RGS9: variants seen among roughly 807,000 people sequenced by gnomAD.
The protein encoded by RGS9 is regulator of G-protein signalling 9.
RGS9 carries 78 observed loss-of-function variants against 102.0 expected under a neutral mutation model. That is an observed-to-expected ratio of 0.76 (90% CI 0.64 to 0.92). The LOEUF is 0.92. Ranked by LOEUF, RGS9 falls within the 40% of genes least tolerant of loss-of-function variation. The pLI, the probability that RGS9 is intolerant of heterozygous loss-of-function variation, is 0.00. For missense variants in RGS9, 833 were observed against 866.1 expected (o/e 0.96, Z 0.48); for synonymous variants, 353 against 318.6 (o/e 1.11, Z -1.15).
At position 65,174,285 on chromosome 17, in the gene RGS9, C is replaced by T. The variant is rs553219351; in HGVS notation, c.583-3447C>T. Among the ~76,000 whole-genome samples the T allele has an allele frequency of 3.9e-5, 6 of 152,274 alleles. No individual in the cohort carries two copies. The East Asian group carries it at 5.8e-4, about 15-fold the overall frequency. On this transcript the variant is annotated intron_variant, in intron 8 of 18. Transcript: ENST00000262406. ...TCAAGACTTGAGCAGATGACCACAC[C>T]GAAGTCACCGAGGCAGTGAGCGCCT... is the stretch of plus-strand genomic sequence containing the variant.
rs765953068 is a variant in RGS9, at chr17:65,137,597, G to A, written c.57G>A (p.Lys19=). The change falls in exon 1 of 19, where the codon AAG becomes AAA. Residue 19 remains lysine, a splice_region_variant and synonymous_variant. Coordinates refer to ENST00000262406, the MANE Select transcript of RGS9 (RefSeq NM_003835.4). ...QYRPRMAFLQ[K]IEALVKDMQN... ...GGCCGAGGATGGCATTTCTCCAAAA[G>A]GTAACCCTGGCCCCTCACCTGGACC... The A allele has an allele frequency of 2.5e-6, 4 of 1,613,662 alleles. No homozygotes were observed. The highest frequency in any genetic ancestry group is 1.1e-5 in the South Asian group (1 of 91,068).
rs376335063 is a variant in RGS9 at position 65,209,915 on chromosome 17, TA to T, written c.1290-568del. ...CAACGTGGTGAAAGCCTGCCTCTAC[TA>T]AAAATATAAAAATTAGCCTGGTGTG... On this transcript the variant is annotated intron_variant, in intron 16 of 18. Coordinates refer to ENST00000262406, the MANE Select transcript of RGS9 (RefSeq NM_003835.4). Among the ~76,000 whole-genome samples the T allele has an allele frequency of 3.1e-4, 47 of 152,180 alleles. No homozygotes were observed. The South Asian group carries it at 4.2e-3, about 13-fold the overall frequency.
chr17:65,225,319 G>A lies in RGS9; in HGVS notation c.1725G>A (p.Lys575=), dbSNP rs752853127. 6 of 1,610,460 alleles carry A rather than the reference G, an allele frequency of 3.7e-6. No homozygotes were observed. The South Asian group carries it at 4.4e-5, about 12-fold the overall frequency. ...WPRSRPRAPP[K]ARMALSFSRF... ...GCAGCCGGCCCAGGGCCCCTCCTAA[G>A]GCCCGCATGGCTCTGTCCTTCAGCA... is the stretch of plus-strand genomic sequence containing the variant. Residue 575 remains lysine, a synonymous_variant, in exon 18 of 19, where the codon AAG becomes AAA. Transcript: ENST00000262406.
rs771325353 is a variant in RGS9, at chr17:65,225,052, C to T, written c.1458C>T (p.Thr486=). The change falls in exon 18 of 19, where the codon ACC becomes ACT. Residue 486 remains threonine (T), a synonymous_variant. Coordinates refer to ENST00000262406, the MANE Select transcript of RGS9 (RefSeq NM_003835.4). The part of the protein sequence containing the change: ...PSPHLTVYTG[T]CMPPSPSSPF... ...CCCATCTGACCGTGTACACCGGGACCTGCATGCCCCCGTCTCCTTCTAGCC... is the reference window on the plus strand; with the variant it reads ...CCCATCTGACCGTGTACACCGGGACTTGCATGCCCCCGTCTCCTTCTAGCC... 1 of 1,614,054 alleles carries T rather than the reference C, an allele frequency of 6.2e-7. No homozygotes were observed. The highest frequency in any genetic ancestry group is 1.1e-5 in the South Asian group (1 of 91,080).
intron 1 of RGS9, among the ~76,000 whole-genome samples, chr17:65,142,790 T>C (rs1253237489): frequency 6.6e-6 from 1 of 151,812 alleles, no homozygotes; most frequent in Non-Finnish European, 1.5e-5. Context: ...ACCATGTTGG[T>C]CAGGCTGGTC....
At chr17:65,186,376 C>T (rs186220996) in intron 9 of RGS9, among the ~76,000 whole-genome samples, 7 of 151,818 alleles carry the variant, frequency 4.6e-5, no homozygotes, top group African/African-American at 7.3e-5. Context: ...TCACCATGCC[C>T]GGCTAATTTT....
chr17:65,204,409 C>G, intron 15 of RGS9, 108 bp downstream of exon 15: 1 of 1,365,050 alleles, frequency 7.3e-7, no homozygotes, highest in Non-Finnish European at 1.0e-6. Context: ...GTGGATAGAG[C>G]TTTGCCGGTT....
chr17:65,173,211 C>T lies in RGS9; in HGVS notation c.583-4521C>T, dbSNP rs149951970. ...TGCTGGGATTACAGGCATGAGCCACCGCGCCTGGCCTCATCTCTATTTCTT... is the reference window on the plus strand; with the variant it reads ...TGCTGGGATTACAGGCATGAGCCACTGCGCCTGGCCTCATCTCTATTTCTT... On this transcript the variant is annotated intron_variant, in intron 8 of 18. Transcript: ENST00000262406. The surrounding 1 kb of genome is among the most constrained non-coding windows in gnomAD (Gnocchi z 4.8). Among the ~76,000 whole-genome samples the T allele has an allele frequency of 9.7e-4, 148 of 152,252 alleles. No individual in the cohort carries two copies. In the East Asian group the frequency reaches 0.025, roughly 26 times the overall value.
intron 2 of RGS9, among the ~76,000 whole-genome samples, chr17:65,156,769 A>G (rs1048528584): frequency 2.6e-5 from 4 of 152,166 alleles, no homozygotes; most frequent in African/African-American, 7.2e-5. Flanking sequence ...CTGCCTGCGC[A>G]CCACTGTGTA....
intron 1 of RGS9, among the ~76,000 whole-genome samples, chr17:65,139,138 GGTC>G (rs1910051941): frequency 1.5e-5 from 1 of 64,578 alleles, no homozygotes; most frequent in Non-Finnish European, 2.8e-5. Context: ...CTCCACCCCA[GGTC>G]CTCTTCCTCC....
intron 18 of RGS9, among the ~76,000 whole-genome samples, chr17:65,226,569 C>T (rs1027948512): frequency 7.2e-5 from 11 of 151,736 alleles, no homozygotes; most frequent in African/African-American, 2.4e-4. Flanking sequence ...AGGCTCTCTT[C>T]TCAAGGGCCA....
In RGS9 at chr17:65,168,246, C is replaced by G. The variant is rs921025767; in HGVS notation, c.547C>G (p.Gln183Glu). Residue 183 changes from glutamine (Q) to glutamate (E), a missense_variant, in exon 8 of 19, where the codon CAG becomes GAG. Gln to Glu is a conservative substitution (Grantham distance 29). Transcript: ENST00000262406. ...AGCAGACAGATATGCCCTGGACTGC[C>G]AGGAGAAGGCATACTGGCTGGTGCA... ...NKADRYALDC[Q>E]EKAYWLVHRC... The G allele has an allele frequency of 1.2e-6, 2 of 1,611,394 alleles. No individual in the cohort carries two copies. The highest frequency in any genetic ancestry group is 2.7e-5 in the African/African-American group (2 of 74,878).
chr17:65,207,053 G>A (rs1913089753), intron 15 of RGS9, among the ~76,000 whole-genome samples: 1 of 152,186 alleles, frequency 6.6e-6, no homozygotes, highest in African/African-American at 2.4e-5. Context: ...TAAAAGTAAC[G>A]AGCATTCATG....
chr17:65,160,713 G>A, intron 5 of RGS9, 126 bp downstream of exon 5: 1 of 1,382,816 alleles, frequency 7.2e-7, no homozygotes, highest in Non-Finnish European at 1.0e-6. Flanking sequence ...TCTGTACTGG[G>A]CATGTCCCCA....
intron 16 of RGS9, 49 bp downstream of exon 16, chr17:65,208,056 G>A: frequency 2.3e-6 from 3 of 1,284,130 alleles, no homozygotes; most frequent in Non-Finnish European, 3.4e-6. Context: ...TTAGTTTACA[G>A]AGAAGTGAGG....
intron 17 of RGS9, among the ~76,000 whole-genome samples, chr17:65,219,233 A>G (rs1913615342): frequency 6.6e-6 from 1 of 152,182 alleles, no homozygotes. Context: ...CCTCTCCCCA[A>G]CATCAGTGTA....
rs1337064840 is a variant in RGS9 at position 65,227,305 on chromosome 17, G to A, written c.1923G>A (p.Thr641=). The change falls in exon 19 of 19, where the codon ACG becomes ACA. Residue 641 remains threonine, a synonymous_variant. Coordinates refer to ENST00000262406, the MANE Select transcript of RGS9 (RefSeq NM_003835.4). ...NFFQIKMDVP[T]GSGTCLMDSE... ...TCCAGATCAAAATGGATGTGCCCAC[G>A]GGGAGCGGGACCTGCTTGATGGACT... is the stretch of plus-strand genomic sequence containing the variant. The A allele has an allele frequency of 8.7e-6, 14 of 1,614,020 alleles. No homozygotes were observed. The highest frequency in any genetic ancestry group is 1.6e-4 in the Middle Eastern group (1 of 6,084).
Position 65,197,203 on chromosome 17 carries a change from G to A in RGS9, c.938G>A (p.Arg313Gln), listed in dbSNP as rs1030745851. 1.9e-6 allele frequency: 3 copies of A among 1,613,682 alleles called. No homozygotes were observed. Among genetic ancestry groups the A allele is most frequent in the South Asian group, 2.2e-5 (2 of 91,014 alleles). ...GAATTGATCCGAGACCCCAAAGGTCGACAGAGCTTCCAGTACTTCCTCAAG... is the reference window on the plus strand; with the variant it reads ...GAATTGATCCGAGACCCCAAAGGTCAACAGAGCTTCCAGTACTTCCTCAAG... ...FSELIRDPKG[R>Q]QSFQYFLKKE... Residue 313 changes from arginine to glutamine, a missense_variant, in exon 13 of 19, where the codon CGA becomes CAA. Transcript: ENST00000262406.
chr17:65,142,270 AAAAC>A (rs749710590), intron 1 of RGS9, among the ~76,000 whole-genome samples: 1 of 152,142 alleles, frequency 6.6e-6, no homozygotes, highest in Non-Finnish European at 1.5e-5. Context: ...CCAAAAACCA[AAAAC>A]AAACAAACAA....
Sources: gnomAD v4.1 joint callset for allele counts (sites outside exome capture counted in the v4.1 genomes callset) on GRCh38, gnomAD v4.1.1 for gene constraint, Gnocchi (gnomAD v3.1) non-coding constraint, MANE v1.5 for transcripts, NCBI Gene and HGNC (gene_info 2026-07-23, HGNC 2026-07-21) for gene names.